Variants in MIR2052HG observed in about 807,000 individuals in gnomAD.
MIR2052HG encodes MIR2052 host gene.
chr8:74,685,774 G>C (rs976285022), intron 2 of MIR2052HG, among the ~76,000 whole-genome samples: 1 of 151,980 alleles, frequency 6.6e-6, no homozygotes, highest in Non-Finnish European at 1.5e-5. Context: ...GAGTGTACAG[G>C]ATGTAATCAA....
intron 4 of MIR2052HG, among the ~76,000 whole-genome samples, chr8:74,719,752 C>G (rs1046515713): frequency 6.6e-6 from 1 of 151,832 alleles, no homozygotes; most frequent in African/African-American, 2.4e-5. Flanking sequence ...TGTTAGACAG[C>G]CTTAGCAGGA....
At chr8:74,735,644 T>G (rs1563542887) in intron 4 of MIR2052HG, among the ~76,000 whole-genome samples, 1 of 152,200 alleles carries the variant, frequency 6.6e-6, no homozygotes, top group Non-Finnish European at 1.5e-5. Flanking sequence ...TTCCTTTGCT[T>G]CATGAGATTC....
chr8:74,615,781 G>T (rs1326459660), intron 2 of MIR2052HG, among the ~76,000 whole-genome samples: 1 of 150,318 alleles, frequency 6.7e-6, no homozygotes, highest in Non-Finnish European at 1.5e-5. Context: ...CCCACAACAG[G>T]CCCTGGTGTG....
chr8:74,706,860 T>C (rs1036170578), intron 4 of MIR2052HG, among the ~76,000 whole-genome samples: 6 of 152,106 alleles, frequency 3.9e-5, no homozygotes, highest in Non-Finnish European at 7.4e-5. Context: ...CATATTCTGC[T>C]TCTAGGCAGA....
intron 2 of MIR2052HG, chr8:74,632,558 A>G (rs1296224273): frequency 6.6e-6 from 1 of 152,200 alleles, no homozygotes; most frequent in Non-Finnish European, 1.5e-5. Context: ...TAATTCTGGA[A>G]ATAAAAGCAT....
intron 2 of MIR2052HG, among the ~76,000 whole-genome samples, chr8:74,648,862 A>T (rs1808722885): frequency 6.6e-6 from 1 of 152,232 alleles, no homozygotes; most frequent in Non-Finnish European, 1.5e-5. Flanking sequence ...TAAGGAAAAC[A>T]ATCACTGTGT....
intron 1 of MIR2052HG, among the ~76,000 whole-genome samples, chr8:74,608,842 A>G (rs1233264137): frequency 1.3e-5 from 2 of 152,106 alleles, no homozygotes. Context: ...TGTATTAGAA[A>G]AGAAGAAAGG....
At chr8:74,622,732 A>G (rs1336279069) in intron 2 of MIR2052HG, among the ~76,000 whole-genome samples, 1 of 152,122 alleles carries the variant, frequency 6.6e-6, no homozygotes, top group African/African-American at 2.4e-5. Flanking sequence ...AAAGAGAAAC[A>G]ATAACAAATA....
At chr8:74,648,556 G>A (rs1025752963) in intron 2 of MIR2052HG, among the ~76,000 whole-genome samples, 1 of 152,128 alleles carries the variant, frequency 6.6e-6, no homozygotes, top group Non-Finnish European at 1.5e-5. Flanking sequence ...AAAACTTGCT[G>A]GTTTTGCAGC....
At chr8:74,632,309 G>T (rs1318405213) in intron 2 of MIR2052HG, 4 of 152,132 alleles carry the variant, frequency 2.6e-5, no homozygotes, top group South Asian at 4.2e-4. Context: ...GAGCAAGTTT[G>T]GTCTCAGGGT....
At chr8:74,667,624 G>A (rs922400897) in intron 2 of MIR2052HG, among the ~76,000 whole-genome samples, 2 of 152,124 alleles carry the variant, frequency 1.3e-5, no homozygotes, top group Admixed American at 1.3e-4. Context: ...CTTGTGGTCT[G>A]TTTCTGACAT....
intron 2 of MIR2052HG, among the ~76,000 whole-genome samples, chr8:74,659,131 A>T (rs991374142): frequency 2.0e-5 from 3 of 152,192 alleles, no homozygotes; most frequent in Admixed American, 2.0e-4. Context: ...CCAAATTTGA[A>T]TGTTTTGTTG....
chr8:74,724,773 A>G (rs1809616800), intron 4 of MIR2052HG, among the ~76,000 whole-genome samples: 1 of 152,192 alleles, frequency 6.6e-6, no homozygotes, highest in South Asian at 2.1e-4. Context: ...TGATTAGTCA[A>G]GCTGTCAAGA....
chr8:74,670,687 T>G lies in MIR2052HG; in HGVS notation n.217-31692T>G, dbSNP rs559184413. Among the ~76,000 whole-genome samples the G allele has an allele frequency of 2.0e-5, 3 of 152,196 alleles. No homozygotes were observed. In the East Asian group the frequency reaches 5.8e-4, roughly 29 times the overall value. ...TATTCATATAAGCTAAAGAAAAATATTTCAGGAAGTTGGTATATGGTTATC... is the reference window on the plus strand; with the variant it reads ...TATTCATATAAGCTAAAGAAAAATAGTTCAGGAAGTTGGTATATGGTTATC... On this transcript the variant is annotated intron_variant and non_coding_transcript_variant, in intron 2 of 6. Transcript: ENST00000523442.
At chr8:74,751,286 T>C (rs572470935) in intron 4 of MIR2052HG, among the ~76,000 whole-genome samples, 2 of 152,342 alleles carry the variant, frequency 1.3e-5, no homozygotes, top group Non-Finnish European at 2.9e-5. Context: ...TATTTCTTGC[T>C]GATTTTACTG....
chr8:74,626,934 A>G (rs1213901112), intron 2 of MIR2052HG, among the ~76,000 whole-genome samples: 1 of 152,214 alleles, frequency 6.6e-6, no homozygotes, highest in African/African-American at 2.4e-5. Context: ...GAAATCCTTA[A>G]TATGGCTTTA....
At chr8:74,732,083 T>G (rs545720587) in intron 4 of MIR2052HG, among the ~76,000 whole-genome samples, 2 of 152,202 alleles carry the variant, frequency 1.3e-5, no homozygotes, top group South Asian at 4.1e-4. Context: ...GGCCCATGAG[T>G]TCTGCATCTG....
intron 2 of MIR2052HG, among the ~76,000 whole-genome samples, chr8:74,685,901 A>T (rs761653005): frequency 6.6e-6 from 1 of 152,032 alleles, no homozygotes; most frequent in Non-Finnish European, 1.5e-5. Context: ...CCAAATTTTA[A>T]ATCGTTTAAA....
chr8:74,679,521 CTATTATTATTATTATTAT>C (rs71565406), intron 2 of MIR2052HG, among the ~76,000 whole-genome samples: 31 of 141,970 alleles, frequency 2.2e-4, no homozygotes, highest in East Asian at 8.1e-4. Flanking sequence ...GGCTTGTTTA[CTATTATTATTATTATTAT>C]TATTATTATT....
Sources: allele counts gnomAD v4.1 joint callset (sites outside exome capture counted in the v4.1 genomes callset), GRCh38; gene constraint gnomAD v4.1.1; transcripts MANE v1.5; gene names NCBI Gene and HGNC (gene_info 2026-07-23, HGNC 2026-07-21).